Variants in TMEM229B observed in about 807,000 individuals in gnomAD.
The protein encoded by TMEM229B is chromosome 14 open reading frame 83.
Under a neutral mutation model 13.7 loss-of-function variants are expected in TMEM229B, and 6 were observed. That is an observed-to-expected ratio of 0.44 (90% CI 0.24 to 0.86). TMEM229B has a LOEUF of 0.86. Ranked by LOEUF, TMEM229B falls within the 40% of genes least tolerant of loss-of-function variation. TMEM229B has a pLI of 0.23. For missense variants in TMEM229B, 170 were observed against 236.0 expected, an observed-to-expected ratio of 0.72 and a Z score of 1.83; for synonymous variants, 107 against 102.1, an observed-to-expected ratio of 1.05 and a Z score of -0.29.
chr14:67,480,024 T>A (rs1185380043), intron 2 of TMEM229B, among the ~76,000 whole-genome samples: 1 of 152,126 alleles, frequency 6.6e-6, no homozygotes, highest in African/African-American at 2.4e-5. Flanking sequence ...TGCCTCAGGG[T>A]CCTTGTAGGT....
Position 67,473,319 on chromosome 14 carries a change from G to A in TMEM229B, c.*101C>T, listed in dbSNP as rs1302378144. The stretch of plus-strand genomic sequence containing the variant: ...TGCCCTATAGGGCTGAGGCTTGGCC[G>A]GAGCAGGGCTTTTGCTGCATGGATG... On this transcript the variant is annotated 3_prime_UTR_variant, in exon 3 of 3. Coordinates refer to ENST00000554480, the MANE Select transcript of TMEM229B (RefSeq NM_001348543.2). The surrounding 1 kb of genome is among the most constrained non-coding windows in gnomAD (Gnocchi z 6.5). The A allele has an allele frequency of 6.7e-7, 1 of 1,495,800 alleles. No homozygotes were observed. Among genetic ancestry groups the A allele is most frequent in the African/African-American group, 1.4e-5 (1 of 72,160 alleles). 92.7% of individuals were successfully genotyped at this position (1,495,800 alleles called of 1,614,324 possible).
chr14:67,473,400 G>GC lies in TMEM229B; in HGVS notation c.*19dup. 1 of 1,609,314 alleles carries GC rather than the reference G, an allele frequency of 6.2e-7. No individual in the cohort carries two copies. Among genetic ancestry groups the GC allele is most frequent in the Non-Finnish European group, 8.5e-7 (1 of 1,177,560 alleles). ...CATGAGTTCCATGAGAGATCCCCAG[G>GC]CCCCCCACCCGCTTCCTGCTCAGTC... On this transcript the variant is annotated 3_prime_UTR_variant, in exon 3 of 3. Transcript: ENST00000554480. The surrounding 1 kb of genome is among the most constrained non-coding windows in gnomAD (Gnocchi z 6.5).
upstream of TMEM229B, among the ~76,000 whole-genome samples, chr14:67,490,770 T>C (rs528167458): frequency 1.1e-4 from 16 of 152,172 alleles, no homozygotes; most frequent in South Asian, 3.3e-3. Context: ...CTACCTCTGT[T>C]TTTTTACCCC....
intron 1 of TMEM229B, among the ~76,000 whole-genome samples, chr14:67,525,554 T>C (rs954208521): frequency 6.6e-6 from 1 of 152,212 alleles, no homozygotes; most frequent in African/African-American, 2.4e-5. Context: ...ATAGTCACAA[T>C]TGTAGCTGAA....
chr14:67,530,851 T>A (rs1191196983), intron 1 of TMEM229B, among the ~76,000 whole-genome samples: 1 of 152,206 alleles, frequency 6.6e-6, no homozygotes, highest in Non-Finnish European at 1.5e-5. Context: ...GAATTTGGCC[T>A]TAACTATTTT....
chr14:67,522,451 T>C (rs1335777901), intron 1 of TMEM229B, among the ~76,000 whole-genome samples: 1 of 152,142 alleles, frequency 6.6e-6, no homozygotes, highest in African/African-American at 2.4e-5. Flanking sequence ...GAGGCGAGCC[T>C]GGTTATGAGA....
At chr14:67,504,074 T>A (rs1048293349) in intron 1 of TMEM229B, among the ~76,000 whole-genome samples, 19 of 151,966 alleles carry the variant, frequency 1.3e-4, no homozygotes, top group African/African-American at 4.6e-4. Flanking sequence ...AGTGCAGTCG[T>A]GCGATCTCGG....
chr14:67,500,697 G>A (rs949464423), intron 1 of TMEM229B, among the ~76,000 whole-genome samples: 2 of 148,962 alleles, frequency 1.3e-5, no homozygotes, highest in Non-Finnish European at 3.0e-5. Context: ...TCAGCTTCCC[G>A]AGTAGCTGAG....
intron 1 of TMEM229B, among the ~76,000 whole-genome samples, chr14:67,531,532 C>T (rs752239930): frequency 1.3e-4 from 20 of 151,956 alleles, no homozygotes; most frequent in Non-Finnish European, 2.5e-4. Flanking sequence ...CTGCCCTCTA[C>T]AGAAGTAACC....
chr14:67,490,674 C>G (rs943873069), upstream of TMEM229B, among the ~76,000 whole-genome samples: 4 of 152,128 alleles, frequency 2.6e-5, no homozygotes, highest in Middle Eastern at 3.2e-3. Context: ...TGACCAGAAC[C>G]TAAAAATCAG....
At chr14:67,482,975 G>T (rs2031672993) in intron 2 of TMEM229B, among the ~76,000 whole-genome samples, 1 of 152,148 alleles carries the variant, frequency 6.6e-6, no homozygotes, top group Non-Finnish European at 1.5e-5. Context: ...TTACAGATGG[G>T]GAAAGTGAGG....
intron 1 of TMEM229B, among the ~76,000 whole-genome samples, chr14:67,530,165 A>C (rs1180891972): frequency 2.0e-5 from 3 of 152,208 alleles, no homozygotes; most frequent in Non-Finnish European, 2.9e-5. Flanking sequence ...CGTAAACTCC[A>C]GCCAATATTT....
In TMEM229B at chr14:67,496,448, G is replaced by C. The variant is rs552984718; in HGVS notation, c.-191-9276C>G. ...AGACAGGGTCTGGCTCTGTCACCCA[G>C]GCTGGAGTGCAGAGGCACGATCTCT... On this transcript the variant is annotated intron_variant, in intron 1 of 2. Coordinates refer to the TMEM229B transcript ENST00000357461. Among the ~76,000 whole-genome samples the C allele has an allele frequency of 1.0e-4, 12 of 119,876 alleles. No homozygotes were observed. In the South Asian group the frequency reaches 3.4e-3, roughly 34 times the overall value. 78.6% of individuals were successfully genotyped at this position (119,876 alleles called of 152,430 possible).
At chr14:67,479,576 G>A (rs964883957) in intron 2 of TMEM229B, among the ~76,000 whole-genome samples, 1 of 151,712 alleles carries the variant, frequency 6.6e-6, no homozygotes, top group African/African-American at 2.4e-5. Flanking sequence ...AAATTAGCCG[G>A]GCATGGTGGC....
chr14:67,529,227 C>T (rs890321457), intron 1 of TMEM229B, among the ~76,000 whole-genome samples: 2 of 152,144 alleles, frequency 1.3e-5, no homozygotes, highest in Admixed American at 6.5e-5. Context: ...TCCCCATCCG[C>T]TGCCTGGCTC....
chr14:67,486,952 G>A (rs1347500160), intron 2 of TMEM229B, 48 bp downstream of exon 2: 1 of 152,188 alleles, frequency 6.6e-6, no homozygotes, highest in Non-Finnish European at 1.5e-5. Context: ...TGCCGAGCAG[G>A]CAGGATCGCT....
At chr14:67,491,901 C>G (rs1413320397), upstream of TMEM229B, among the ~76,000 whole-genome samples, 1 of 152,226 alleles carries the variant, frequency 6.6e-6, no homozygotes, top group Non-Finnish European at 1.5e-5. Context: ...CCGCGGGGGC[C>G]TGCCTGGCAT....
chr14:67,497,789 TG>T (rs1159902532), intron 1 of TMEM229B, among the ~76,000 whole-genome samples: 15 of 152,030 alleles, frequency 9.9e-5, no homozygotes, highest in African/African-American at 2.4e-4. Context: ...GCACCTCTCC[TG>T]GTATTTGAGT....
intron 1 of TMEM229B, among the ~76,000 whole-genome samples, chr14:67,500,491 A>G (rs559645399): frequency 3.3e-5 from 5 of 152,230 alleles, no homozygotes; most frequent in African/African-American, 1.2e-4. Flanking sequence ...AAACAAAACA[A>G]AAACAAAAAC....
Sources: allele counts gnomAD v4.1 joint callset (sites outside exome capture counted in the v4.1 genomes callset), GRCh38; gene constraint gnomAD v4.1.1; non-coding constraint Gnocchi (gnomAD v3.1); transcripts MANE v1.5; gene names NCBI Gene and HGNC (gene_info 2026-07-23, HGNC 2026-07-21).